CNTNAP4: variants seen among roughly 807,000 people sequenced by gnomAD.
CNTNAP4 encodes the protein contactin-associated protein-like 4.
In CNTNAP4, 98 loss-of-function variants were observed where a neutral mutation model predicts 148.4. The observed-to-expected ratio is 0.66, with a 90% confidence interval of 0.56 to 0.78. The LOEUF (loss-of-function observed/expected upper bound fraction) is 0.78. Among genes scored for constraint, CNTNAP4 ranks in the 30% least tolerant of loss-of-function variants. The pLI is 0.00. For synonymous variants in CNTNAP4, 730 were observed against 565.1 expected, an observed-to-expected ratio of 1.29 and a Z score of -4.14; for missense variants, 1,935 against 1,565.6, an observed-to-expected ratio of 1.24 and a Z score of -3.98.
chr16:76,535,332 G>T (rs1419397064), intron 17 of CNTNAP4, among the ~76,000 whole-genome samples: 1 of 151,172 alleles, frequency 6.6e-6, no homozygotes, highest in East Asian at 1.9e-4. Context: ...ATATTTTTTA[G>T]AAAAAAAATG....
At chr16:76,444,483 A>G (rs1426396378) in intron 4 of CNTNAP4, among the ~76,000 whole-genome samples, 3 of 152,040 alleles carry the variant, frequency 2.0e-5, no homozygotes, top group South Asian at 2.1e-4. Context: ...AAGAGAATCT[A>G]TACTCCTGTC....
chr16:76,290,275 C>T (rs756908181), intron 1 of CNTNAP4, among the ~76,000 whole-genome samples: 4 of 152,104 alleles, frequency 2.6e-5, no homozygotes, highest in Admixed American at 6.5e-5. Context: ...ATGGAAAGTG[C>T]CCATCTTCTC....
intron 15 of CNTNAP4, 74 bp from the exon 16 acceptor site, chr16:76,521,066 A>G: frequency 4.4e-6 from 6 of 1,349,500 alleles, no homozygotes; most frequent in Non-Finnish European, 6.2e-6. Flanking sequence ...TAGAACATGT[A>G]ATTGTCATTC....
At chr16:76,398,970 G>A (rs1020600359) in intron 3 of CNTNAP4, among the ~76,000 whole-genome samples, 1 of 152,044 alleles carries the variant, frequency 6.6e-6, no homozygotes, top group African/African-American at 2.4e-5. Context: ...TGAATTATGG[G>A]GCAGTTTTCC....
At chr16:76,491,008 A>C (rs1273315845) in intron 13 of CNTNAP4, among the ~76,000 whole-genome samples, 3 of 152,214 alleles carry the variant, frequency 2.0e-5, no homozygotes, top group Non-Finnish European at 4.4e-5. Context: ...AAGATCATGC[A>C]AAAACGCTGA....
rs1458438750 is a variant in CNTNAP4 at position 76,560,344 on chromosome 16, T to C, written c.*1661T>C. On this transcript the variant is annotated 3_prime_UTR_variant, in exon 24 of 24. Transcript: ENST00000611870. ...AGCACTATATCCATATTGATGTTTC[T>C]GCAAATGCCTGACTAAATCTTAAGA... Among the ~76,000 whole-genome samples the C allele has an allele frequency of 6.6e-6, 1 of 152,226 alleles. No individual in the cohort carries two copies. The highest frequency in any genetic ancestry group is 1.5e-5 in the Non-Finnish European group (1 of 68,028).
At chr16:76,321,571 C>T (rs1036500802) in intron 2 of CNTNAP4, among the ~76,000 whole-genome samples, 9 of 151,920 alleles carry the variant, frequency 5.9e-5, no homozygotes, top group South Asian at 2.1e-4. Context: ...GGGTGGATCA[C>T]GAGGTCAGGA....
At chr16:76,516,927 A>C (rs1440028681) in intron 15 of CNTNAP4, among the ~76,000 whole-genome samples, 1 of 152,110 alleles carries the variant, frequency 6.6e-6, no homozygotes, top group African/African-American at 2.4e-5. Flanking sequence ...AGCCAGGCAT[A>C]GTGGTGTGCA....
intron 3 of CNTNAP4, among the ~76,000 whole-genome samples, chr16:76,371,300 G>A (rs28433821): frequency 6.6e-6 from 1 of 151,884 alleles, no homozygotes; most frequent in South Asian, 2.1e-4. Flanking sequence ...GTTTTGTTTT[G>A]TTTTGAAATG....
intron 15 of CNTNAP4, among the ~76,000 whole-genome samples, chr16:76,510,157 C>T (rs2143987528): frequency 6.6e-6 from 1 of 151,902 alleles, no homozygotes; most frequent in East Asian, 1.9e-4. Flanking sequence ...CACGCACTCC[C>T]CATCCCAGCC....
intron 4 of CNTNAP4, among the ~76,000 whole-genome samples, chr16:76,446,709 A>T (rs1260125296): frequency 3.3e-5 from 5 of 152,204 alleles, no homozygotes; most frequent in Admixed American, 3.3e-4. Context: ...ATTGCCCTTA[A>T]ATACTACCAC....
intron 3 of CNTNAP4, among the ~76,000 whole-genome samples, chr16:76,419,787 AT>A (rs1196170203): frequency 6.6e-6 from 1 of 151,978 alleles, no homozygotes; most frequent in Non-Finnish European, 1.5e-5. Context: ...GTGCTACCCA[AT>A]TCACTTCTTG....
At chr16:76,418,754 A>T (rs2079076947) in intron 3 of CNTNAP4, among the ~76,000 whole-genome samples, 1 of 150,296 alleles carries the variant, frequency 6.7e-6, no homozygotes, top group East Asian at 2.0e-4. Context: ...ACTTTTTGCC[A>T]TTCCTTGTAA....
rs778665911 is a variant in CNTNAP4, at chr16:76,462,024, G to T, written c.1402G>T (p.Ala468Ser). 3.8e-5 allele frequency: 61 copies of T among 1,613,726 alleles called. No individual in the cohort carries two copies. The Middle Eastern group carries it at 6.6e-4, about 17-fold the overall frequency. Residue 468 changes from alanine to serine, a missense_variant, in exon 9 of 24, where the codon GCG (alanine) becomes TCG (serine). By Grantham distance (99) the Ala-to-Ser change is moderately conservative. Transcript: ENST00000611870. Reference protein sequence around the residue: ...LSAKKNHLSVAVDGQMASAAP... With the variant: ...LSAKKNHLSVSVDGQMASAAP... ...TGCTAAAAAGAATCACTTGAGTGTG[G>T]CGGTGGACGGCCAGATGGCTTCTGC...
intron 3 of CNTNAP4, among the ~76,000 whole-genome samples, chr16:76,421,401 TAATA>T (rs1326880350): frequency 2.6e-5 from 4 of 152,126 alleles, no homozygotes; most frequent in Non-Finnish European, 5.9e-5. Context: ...TTCTTTATTA[TAATA>T]AATGAATTTT....
intron 3 of CNTNAP4, among the ~76,000 whole-genome samples, chr16:76,396,316 C>T (rs1261557029): frequency 6.6e-6 from 1 of 152,162 alleles, no homozygotes; most frequent in East Asian, 1.9e-4. Context: ...AAGCCAGACA[C>T]CACCAGAAAC....
intron 3 of CNTNAP4, among the ~76,000 whole-genome samples, chr16:76,365,629 G>A (rs1249985044): frequency 6.6e-6 from 1 of 151,556 alleles, no homozygotes; most frequent in Non-Finnish European, 1.5e-5. Flanking sequence ...GCGGACACCT[G>A]TAATCCCAGC....
chr16:76,327,578 C>A (rs948105256), intron 2 of CNTNAP4, among the ~76,000 whole-genome samples: 1 of 152,160 alleles, frequency 6.6e-6, no homozygotes, highest in African/African-American at 2.4e-5. Flanking sequence ...TTGCAGTGAC[C>A]AAATCCAGCT....
chr16:76,449,575 C>A, intron 6 of CNTNAP4, 140 bp from the exon 7 acceptor site: 1 of 632,946 alleles, frequency 1.6e-6, no homozygotes, highest in Non-Finnish European at 2.5e-6. Flanking sequence ...TGTTTTAAAT[C>A]TATATCTTAA....
Sources: gnomAD v4.1 joint callset for allele counts (sites outside exome capture counted in the v4.1 genomes callset) on GRCh38, gnomAD v4.1.1 for gene constraint, MANE v1.5 for transcripts, NCBI Gene and HGNC (gene_info 2026-07-23, HGNC 2026-07-21) for gene names.